TBL1X: variants seen among roughly 807,000 people sequenced by gnomAD.
TBL1X encodes transducin beta like 1 X-linked, also known as F-box-like/WD repeat-containing protein TBL1X.
TBL1X carries 10 observed loss-of-function variants against 50.7 expected under a neutral mutation model. The ratio of observed to expected loss-of-function variants is 0.20; its 90% CI spans 0.12 to 0.33. The LOEUF is 0.33. Among genes scored for constraint, TBL1X ranks in the 10% least tolerant of loss-of-function variants. TBL1X has a pLI of 1.00. For synonymous variants in TBL1X, 190 were observed against 214.7 expected, an observed-to-expected ratio of 0.88 and a Z score of 1.01; for missense variants, 340 against 504.4, an observed-to-expected ratio of 0.67 and a Z score of 3.12.
At chrX:9,650,100 T>C (rs1399772784) in intron 3 of TBL1X, among the ~76,000 whole-genome samples, 4 of 112,589 alleles carry the variant, frequency 3.6e-5, no homozygotes, top group Non-Finnish European at 3.8e-5. Context: ...TGGTACCTTT[T>C]CAGTGGTCAG....
intron 2 of TBL1X, among the ~76,000 whole-genome samples, chrX:9,539,768 CTCAG>C (rs199837980): frequency 0.029 from 3,279 of 112,288 alleles, 120 homozygotes; most frequent in African/African-American, 0.1. Context: ...TGGCACATAG[CTCAG>C]TCAAACAGGT....
chrX:9,678,293 C>G (rs773481307), intron 5 of TBL1X, among the ~76,000 whole-genome samples: 25 of 111,828 alleles, frequency 2.2e-4, no homozygotes, highest in Non-Finnish European at 3.9e-4. Flanking sequence ...AGTAAATATC[C>G]TCAGCTTTAT....
At chrX:9,575,576 A>C (rs939000417) in intron 2 of TBL1X, among the ~76,000 whole-genome samples, 1 of 111,665 alleles carries the variant, frequency 9.0e-6, no homozygotes, top group Admixed American at 9.5e-5. Flanking sequence ...TCTGTTCATC[A>C]GTTGGCGGGC....
chrX:9,509,537 TGTTA>T (rs1423121272), intron 2 of TBL1X, among the ~76,000 whole-genome samples: 1 of 83,132 alleles, frequency 1.2e-5, no homozygotes, highest in Non-Finnish European at 2.2e-5. Context: ...CAGGCTGGAG[TGTTA>T]GTTATGTGGT....
chrX:9,714,673 G>A (rs1184651244), intron 16 of TBL1X, among the ~76,000 whole-genome samples: 2 of 112,463 alleles, frequency 1.8e-5, no homozygotes. Flanking sequence ...CAGAATCCAC[G>A]CAAATGTGGC....
intron 1 of TBL1X, among the ~76,000 whole-genome samples, chrX:9,496,553 A>AG (rs1365012469): frequency 8.9e-6 from 1 of 112,855 alleles, no homozygotes; most frequent in Admixed American, 9.3e-5. Flanking sequence ...TTTAAATTAA[A>AG]AGTGGTCAAA....
intron 2 of TBL1X, among the ~76,000 whole-genome samples, chrX:9,523,990 CAG>C (rs2082119855): frequency 1.7e-5 from 1 of 60,202 alleles, no homozygotes; most frequent in Non-Finnish European, 2.7e-5. Flanking sequence ...TTTTTTTAGA[CAG>C]AGTCTCACTC....
intron 2 of TBL1X, among the ~76,000 whole-genome samples, chrX:9,564,145 C>T (rs925467723): frequency 1.8e-5 from 2 of 112,381 alleles, no homozygotes; most frequent in East Asian, 2.8e-4. Flanking sequence ...TTGGGCCGGG[C>T]GTGGTGGCTC....
At chrX:9,541,983 T>C (rs1441019898) in intron 2 of TBL1X, among the ~76,000 whole-genome samples, 1 of 108,649 alleles carries the variant, frequency 9.2e-6, no homozygotes, top group Non-Finnish European at 1.9e-5. Flanking sequence ...ATTCATAGAT[T>C]GTCTCTTCCT....
At chrX:9,545,147 C>T (rs1031489439) in intron 2 of TBL1X, among the ~76,000 whole-genome samples, 9 of 107,399 alleles carry the variant, frequency 8.4e-5, no homozygotes, top group Non-Finnish European at 1.7e-4. Context: ...GCTGGGATTA[C>T]AGGTACCCGC....
intron 3 of TBL1X, among the ~76,000 whole-genome samples, chrX:9,641,208 A>G (rs1361406998): frequency 9.0e-6 from 1 of 111,711 alleles, no homozygotes; most frequent in Non-Finnish European, 1.9e-5. Flanking sequence ...GGAGATTACT[A>G]TGTGTAAATC....
rs376154276 is a variant in TBL1X at position 9,613,552 on chromosome X, A to G, written c.-130-26721A>G. On this transcript the variant is annotated intron_variant, in intron 2 of 17. Coordinates refer to ENST00000645353, the MANE Select transcript of TBL1X (RefSeq NM_005647.4). ...ACTTGTGAATTGAGATATAGTACAAATGTAAAATACATACACTGTGATGAT... is the reference window on the plus strand; with the variant it reads ...ACTTGTGAATTGAGATATAGTACAAGTGTAAAATACATACACTGTGATGAT... 8.0e-5 allele frequency among the ~76,000 whole-genome samples: 9 copies of G among 111,979 alleles called. No individual in the cohort carries two copies. In the South Asian group the frequency reaches 1.1e-3, roughly 14 times the overall value.
chrX:9,590,099 A>AC (rs2082491729), intron 2 of TBL1X, among the ~76,000 whole-genome samples: 1 of 112,282 alleles, frequency 8.9e-6, no homozygotes, highest in Non-Finnish European at 1.9e-5. Context: ...AGAACGGGGA[A>AC]CCATCACAGG....
intron 3 of TBL1X, among the ~76,000 whole-genome samples, chrX:9,651,795 T>G (rs926283383): frequency 8.9e-6 from 1 of 112,371 alleles, no homozygotes; most frequent in African/African-American, 3.2e-5. Context: ...TGTCATCAAA[T>G]TAAGCAAAGA....
intron 17 of TBL1X, among the ~76,000 whole-genome samples, chrX:9,716,019 A>G (rs1463928008): frequency 8.9e-6 from 1 of 111,987 alleles, no homozygotes; most frequent in East Asian, 2.8e-4. Context: ...TGTTTGCTTC[A>G]GTTTGCTCGG....
intron 2 of TBL1X, among the ~76,000 whole-genome samples, chrX:9,587,291 A>C (rs188828066): frequency 2.9e-3 from 320 of 111,939 alleles, no homozygotes; most frequent in African/African-American, 1.0e-2. Context: ...AGAGCAGAGG[A>C]GGCCAGTGAC....
chrX:9,515,906 C>T (rs1354416529), intron 2 of TBL1X, among the ~76,000 whole-genome samples: 3 of 111,377 alleles, frequency 2.7e-5, no homozygotes, highest in Non-Finnish European at 1.9e-5. Flanking sequence ...AATGGAAATT[C>T]TTGAAATTGT....
chrX:9,649,665 A>T (rs755403856), intron 3 of TBL1X, among the ~76,000 whole-genome samples: 2 of 112,145 alleles, frequency 1.8e-5, no homozygotes, highest in Non-Finnish European at 3.8e-5. Context: ...CTCATTCTCC[A>T]TAGTTCTATA....
At chrX:9,498,023 A>G (rs1281430505) in intron 1 of TBL1X, among the ~76,000 whole-genome samples, 1 of 108,637 alleles carries the variant, frequency 9.2e-6, no homozygotes, top group African/African-American at 3.4e-5. Flanking sequence ...TGCATGAGCC[A>G]CTATGCCAGG....
Sources: gnomAD v4.1 joint callset for allele counts (sites outside exome capture counted in the v4.1 genomes callset) on GRCh38, gnomAD v4.1.1 for gene constraint, MANE v1.5 for transcripts, NCBI Gene and HGNC (gene_info 2026-07-23, HGNC 2026-07-21) for gene names.